ADD1: variants seen among roughly 807,000 people sequenced by gnomAD.
ADD1 encodes the protein alpha-adducin.
A neutral mutation model predicts 80.5 loss-of-function variants in ADD1; 24 were observed. That is an observed-to-expected ratio of 0.30 (90% confidence interval 0.22 to 0.42). The LOEUF is 0.42. Among genes scored for constraint, ADD1 ranks in the 10% least tolerant of loss-of-function variants. The pLI is 1.00. For synonymous variants in ADD1, 373 were observed against 393.8 expected, an observed-to-expected ratio of 0.95 and a Z score of 0.63; for missense variants, 948 against 1,019.0, an observed-to-expected ratio of 0.93 and a Z score of 0.95.
chr4:2,857,130 T>C (rs986312670), intron 1 of ADD1, among the ~76,000 whole-genome samples: 1 of 151,908 alleles, frequency 6.6e-6, no homozygotes, highest in African/African-American at 2.4e-5. Flanking sequence ...GCCAGGCTGG[T>C]CTTGAACTCC....
chr4:2,885,747 C>T lies in ADD1; in HGVS notation c.510+1081C>T, dbSNP rs1194493744. On this transcript the variant is annotated intron_variant, in intron 4 of 15. Transcript: ENST00000683351. ...GCCTCAGCCTCCCGAGTAGCTGGGA[C>T]TACAGGCGCCCGCCACCACGCCTGG... 9.9e-5 allele frequency among the ~76,000 whole-genome samples: 15 copies of T among 151,926 alleles called. 1 individual carries two copies. The highest frequency in any genetic ancestry group is 9.2e-4 in the Admixed American group (14 of 15,254).
chr4:2,907,715 G>T, intron 10 of ADD1, 28 bp from the exon 11 acceptor site: 10 of 1,578,492 alleles, frequency 6.3e-6, no homozygotes, highest in Non-Finnish European at 8.7e-6. Flanking sequence ...TCATAATTCT[G>T]ACTTTTCAAC....
intron 6 of ADD1, among the ~76,000 whole-genome samples, chr4:2,896,080 G>A (rs759816182): frequency 6.6e-6 from 1 of 151,802 alleles, no homozygotes; most frequent in African/African-American, 2.4e-5. Flanking sequence ...GTAGAGGCTG[G>A]GTTTCACCGT....
At chr4:2,894,374 T>G (rs185574490) in intron 5 of ADD1, among the ~76,000 whole-genome samples, 3 of 152,094 alleles carry the variant, frequency 2.0e-5, no homozygotes, top group Admixed American at 1.3e-4. Flanking sequence ...CTGGCCAACA[T>G]GGCGGTACCC....
At chr4:2,908,039 C>T (rs1737360031) in intron 11 of ADD1, among the ~76,000 whole-genome samples, 195 bp downstream of exon 11, 1 of 152,190 alleles carries the variant, frequency 6.6e-6, no homozygotes, top group South Asian at 2.1e-4. Flanking sequence ...ATTTTTTGGG[C>T]CCTATTGATT....
Position 2,923,995 on chromosome 4 carries a change from C to T in ADD1, c.1949-2019C>T, listed in dbSNP as rs1453588404. On this transcript the variant is annotated intron_variant, in intron 14 of 15. Transcript: ENST00000683351. ...TGTGTGTAGGGCTTGGGGTTTCTGA[C>T]AGAAATTCTCTTTCTCCATAAACCT... Among the ~76,000 whole-genome samples the T allele has an allele frequency of 2.6e-5, 4 of 152,076 alleles. No individual in the cohort carries two copies. The East Asian group carries it at 7.7e-4, about 29-fold the overall frequency.
rs376731567 is a variant in ADD1 at position 2,926,140 on chromosome 4, C to G, written c.2047+28C>G. On this transcript the variant is annotated intron_variant, in intron 15 of 15. Coordinates refer to ENST00000683351, the MANE Select transcript of ADD1 (RefSeq NM_001354761.2). This position sits in a 1 kb window ranked among gnomAD's most constrained non-coding sequence, Gnocchi z 5.0. ...GAGCTCTGGGTGGCAGCGGCCGCCA[C>G]TGTGGGAGGGTGCACGGCTCGTGCG... is the stretch of plus-strand genomic sequence containing the variant. 2 of 1,595,304 alleles carry G rather than the reference C, an allele frequency of 1.3e-6. No homozygotes were observed. Among genetic ancestry groups the G allele is most frequent in the East Asian group, 2.2e-5 (1 of 44,754 alleles).
chr4:2,891,299 A>G (rs1734263185), intron 4 of ADD1, among the ~76,000 whole-genome samples: 1 of 152,104 alleles, frequency 6.6e-6, no homozygotes, highest in Non-Finnish European at 1.5e-5. Flanking sequence ...CTAAAAATAC[A>G]GAAATTAGCT....
chr4:2,926,642 G>A lies in ADD1; in HGVS notation c.2047+530G>A, dbSNP rs200886352. 3.1e-6 allele frequency: 5 copies of A among 1,613,840 alleles called. No individual in the cohort carries two copies. Among genetic ancestry groups the A allele is most frequent in the Middle Eastern group, 1.6e-4 (1 of 6,062 alleles). On this transcript the variant is annotated intron_variant, in intron 15 of 15. Transcript: ENST00000683351. The surrounding 1 kb of genome is among the most constrained non-coding windows in gnomAD (Gnocchi z 5.0). ...CTCCCTGTGGCTGCGTCACAAGCAG[G>A]AGACGGATGCGCTAGAGAGTACCTG... is the stretch of plus-strand genomic sequence containing the variant.
rs562790215 is a variant in ADD1, at chr4:2,879,901, G to GT, written c.196-1997_196-1996insT. Among the ~76,000 whole-genome samples the GT allele has an allele frequency of 9.8e-4, 149 of 152,284 alleles. 1 individual carries two copies. The highest frequency in any genetic ancestry group is 3.5e-3 in the Admixed American group (53 of 15,304). On this transcript the variant is annotated intron_variant, in intron 2 of 15. Transcript: ENST00000683351. The stretch of plus-strand genomic sequence containing the variant: ...AGCTAACTTTTGTATTTTTAGTAGA[G>GT]ATGAGGTTTTACCATGTTGGCCAGG...
chr4:2,927,029 G>C (rs1028816894), intron 15 of ADD1, among the ~76,000 whole-genome samples: 2 of 152,224 alleles, frequency 1.3e-5, no homozygotes, highest in African/African-American at 2.4e-5. Flanking sequence ...GTGGGGTTCT[G>C]CCACCTGCCG....
intron 6 of ADD1, among the ~76,000 whole-genome samples, chr4:2,895,401 G>T (rs1735021757): frequency 6.6e-6 from 1 of 152,080 alleles, no homozygotes; most frequent in South Asian, 2.1e-4. Context: ...AAGAAGGAGA[G>T]GGCAAGCTGG....
Position 2,875,999 on chromosome 4 carries a change from A to G in ADD1, c.84A>G (p.Val28=). ...APHKERYFDR[V]DENNPEYLRE... Reference sequence around the variant, plus strand: ...ACAAGGAGAGGTACTTCGACCGAGTAGATGAGAACAACCCAGAGTACTTGA... The same window carrying G: ...ACAAGGAGAGGTACTTCGACCGAGTGGATGAGAACAACCCAGAGTACTTGA... The change falls in exon 2 of 16, where the codon GTA becomes GTG. Residue 28 remains valine, a synonymous_variant. Transcript: ENST00000683351. 1.2e-6 allele frequency: 2 copies of G among 1,614,198 alleles called. No individual in the cohort carries two copies. The highest frequency in any genetic ancestry group is 1.7e-6 in the Non-Finnish European group (2 of 1,180,000).
At chr4:2,874,699 TA>T (rs543758873) in intron 1 of ADD1, among the ~76,000 whole-genome samples, 16 of 151,280 alleles carry the variant, frequency 1.1e-4, no homozygotes, top group South Asian at 2.1e-4. Context: ...ATCTTTTTCT[TA>T]AAAAAAAACA....
intron 3 of ADD1, among the ~76,000 whole-genome samples, chr4:2,882,585 T>G (rs937347592): frequency 1.3e-5 from 2 of 152,232 alleles, no homozygotes; most frequent in East Asian, 3.8e-4. Flanking sequence ...AGCCACTGCA[T>G]ATTGTACCTT....
chr4:2,886,334 G>T (rs1312424822), intron 4 of ADD1, among the ~76,000 whole-genome samples: 1 of 152,216 alleles, frequency 6.6e-6, no homozygotes, highest in African/African-American at 2.4e-5. Context: ...CTCACCTTGT[G>T]ATTAGTGTGT....
At position 2,928,304 on chromosome 4, in the gene ADD1, T is replaced by A; in HGVS notation, c.2181T>A (p.His727Gln). ...TGTTAGAGAAGGAGGAGGAAGCCCATAGACCCCCAAGCCCCACTGAGGCCC... is the reference window on the plus strand; with the variant it reads ...TGTTAGAGAAGGAGGAGGAAGCCCAAAGACCCCCAAGCCCCACTGAGGCCC... ...FPMLEKEEEA[H>Q]RPPSPTEAPT... The change falls in exon 16 of 16, where the codon CAT becomes CAA. Residue 727 changes from histidine (H) to glutamine (Q), a missense_variant. Coordinates refer to ENST00000683351, the MANE Select transcript of ADD1 (RefSeq NM_001354761.2). 6.2e-7 allele frequency: 1 copy of A among 1,613,942 alleles called. No individual in the cohort carries two copies. Among genetic ancestry groups the A allele is most frequent in the Non-Finnish European group, 8.5e-7 (1 of 1,180,030 alleles).
chr4:2,857,646 G>A (rs1010953678), intron 1 of ADD1, among the ~76,000 whole-genome samples: 5 of 152,142 alleles, frequency 3.3e-5, no homozygotes, highest in Non-Finnish European at 5.9e-5. Context: ...TCAAGTATTT[G>A]CCTTAGTTGA....
At chr4:2,915,899 TGGC>T (rs1738938814) in intron 14 of ADD1, among the ~76,000 whole-genome samples, 1 of 152,044 alleles carries the variant, frequency 6.6e-6, no homozygotes, top group African/African-American at 2.4e-5. Context: ...GGACTAGTGG[TGGC>T]CACTCACAAG....
Sources: gnomAD v4.1 joint callset for allele counts (sites outside exome capture counted in the v4.1 genomes callset) on GRCh38, gnomAD v4.1.1 for gene constraint, Gnocchi (gnomAD v3.1) non-coding constraint, MANE v1.5 for transcripts, NCBI Gene and HGNC (gene_info 2026-07-23, HGNC 2026-07-21) for gene names.